The following XKR9 variants were observed in gnomAD, a reference collection of about 807,000 sequenced individuals.
XKR9 encodes XK related 9, also known as XK-related protein 9.
Under a neutral mutation model 32.0 loss-of-function variants are expected in XKR9, and 32 were observed. The observed-to-expected ratio is 1.00, with a 90% CI of 0.76 to 1.34. XKR9 has a LOEUF of 1.34. Ranked by LOEUF, XKR9 falls within the 40% of genes most tolerant of loss-of-function variation. The probability of loss-of-function intolerance (pLI) is 0.00; values close to 1 mark genes in which losing one functional copy is unlikely to be tolerated. For missense variants in XKR9, 546 were observed against 429.7 expected (o/e 1.27, Z -2.39); for synonymous variants, 168 against 143.4 (o/e 1.17, Z -1.22).
At chr8:70,953,328 T>C in the XKR9 span, among the ~76,000 whole-genome samples, 1 of 152,222 alleles carries the variant, frequency 6.6e-6, no homozygotes, top group African/African-American at 2.4e-5. Context: ...GTTACTATTA[T>C]TGAGACAGGG....
the XKR9 span, among the ~76,000 whole-genome samples, chr8:71,007,874 C>T: frequency 1.3e-5 from 2 of 151,324 alleles, no homozygotes; most frequent in African/African-American, 4.9e-5. Flanking sequence ...TTTTCATGTG[C>T]CCCTGAAAAA....
In XKR9 at chr8:70,734,321, A is replaced by T. The variant is rs932900183; in HGVS notation, c.1019A>T (p.Tyr340Phe). The change falls in exon 5 of 5, where the codon TAT becomes TTT. Residue 340 changes from tyrosine to phenylalanine, a missense_variant. Transcript: ENST00000408926. ...LLGILFLIVYYGSFHPNRSAE... is the reference protein window; with the variant it reads ...LLGILFLIVYFGSFHPNRSAE... ...GGAATTCTTTTTCTTATTGTTTATT[A>T]TGGGAGTTTTCACCCAAACAGAAGT... is the stretch of plus-strand genomic sequence containing the variant. The T allele has an allele frequency of 5.0e-6, 8 of 1,612,426 alleles. No homozygotes were observed. In the African/African-American group the frequency reaches 9.3e-5, roughly 19 times the overall value.
At chr8:70,961,602 A>G in the XKR9 span, among the ~76,000 whole-genome samples, 1 of 152,248 alleles carries the variant, frequency 6.6e-6, no homozygotes, top group Non-Finnish European at 1.5e-5. Flanking sequence ...ATTAAAAAAT[A>G]TCTATATACA....
chr8:70,714,449 CTGAT>C (rs76720204), intron 4 of XKR9, among the ~76,000 whole-genome samples: 11,027 of 151,818 alleles, frequency 0.073, 475 homozygotes, highest in Non-Finnish European at 0.089. Flanking sequence ...TTTGTACTCT[CTGAT>C]TGGCTCTAGA....
chr8:70,849,201 C>A, the XKR9 span, among the ~76,000 whole-genome samples: 4 of 152,092 alleles, frequency 2.6e-5, no homozygotes, highest in Non-Finnish European at 5.9e-5. Context: ...GGAAGTAAAA[C>A]ACTCCTCAGC....
At chr8:71,051,597 T>G in the XKR9 span, among the ~76,000 whole-genome samples, 1 of 152,108 alleles carries the variant, frequency 6.6e-6, no homozygotes, top group East Asian at 1.9e-4. Context: ...GCCCATATGG[T>G]TTATTGTTTC....
chr8:70,812,980 G>A, the XKR9 span, among the ~76,000 whole-genome samples: 123 of 152,168 alleles, frequency 8.1e-4, 1 homozygote, highest in South Asian at 2.9e-3. Flanking sequence ...AGCCTGCATT[G>A]CCAAGTCAAT....
At chr8:70,874,848 G>A in the XKR9 span, among the ~76,000 whole-genome samples, 1 of 152,134 alleles carries the variant, frequency 6.6e-6, no homozygotes, top group Non-Finnish European at 1.5e-5. Flanking sequence ...TCAGGTTTAT[G>A]TCCTGTTTTC....
intron 3 of XKR9, among the ~76,000 whole-genome samples, chr8:70,692,092 TG>T (rs1291982367): frequency 1.3e-5 from 2 of 152,168 alleles, no homozygotes; most frequent in Admixed American, 6.6e-5. Flanking sequence ...CTTTGAGCAG[TG>T]TTTTGTCATT....
At chr8:70,861,919 A>G in the XKR9 span, among the ~76,000 whole-genome samples, 6 of 152,192 alleles carry the variant, frequency 3.9e-5, no homozygotes, top group Non-Finnish European at 1.5e-5. Context: ...TTATATGTGT[A>G]CATATATATA....
chr8:70,875,368 C>T, the XKR9 span, among the ~76,000 whole-genome samples: 1 of 152,206 alleles, frequency 6.6e-6, no homozygotes, highest in Non-Finnish European at 1.5e-5. Context: ...TGTATTCTTA[C>T]ATCATCAAAA....
At chr8:70,994,637 G>A in the XKR9 span, among the ~76,000 whole-genome samples, 1 of 151,700 alleles carries the variant, frequency 6.6e-6, no homozygotes, top group East Asian at 1.9e-4. Context: ...ATTAATTTGG[G>A]GAGGTTCTTG....
At chr8:71,001,898 A>T in the XKR9 span, among the ~76,000 whole-genome samples, 1 of 152,202 alleles carries the variant, frequency 6.6e-6, no homozygotes, top group East Asian at 1.9e-4. Context: ...TGTGGTTCCA[A>T]ATATTCCAAA....
chr8:71,064,186 A>G, the XKR9 span, among the ~76,000 whole-genome samples: 1 of 152,172 alleles, frequency 6.6e-6, no homozygotes, highest in Non-Finnish European at 1.5e-5. Context: ...TTGAGATTTA[A>G]TGTGTATTTG....
At chr8:70,895,473 T>C in the XKR9 span, among the ~76,000 whole-genome samples, 1 of 152,204 alleles carries the variant, frequency 6.6e-6, no homozygotes, top group Non-Finnish European at 1.5e-5. Context: ...TTGCCCTAAA[T>C]ATTTATACAA....
At chr8:70,870,994 G>T in the XKR9 span, among the ~76,000 whole-genome samples, 1 of 152,144 alleles carries the variant, frequency 6.6e-6, no homozygotes. Flanking sequence ...GGGACTATTT[G>T]TAAATGTGTT....
chr8:70,830,391 G>A, the XKR9 span, among the ~76,000 whole-genome samples: 25 of 150,690 alleles, frequency 1.7e-4, no homozygotes, highest in East Asian at 4.9e-3. Flanking sequence ...GACCTGCCTG[G>A]TCAGCATGGC....
intron 2 of XKR9, among the ~76,000 whole-genome samples, chr8:70,749,639 G>A (rs918133031): frequency 6.6e-6 from 1 of 152,212 alleles, no homozygotes; most frequent in African/African-American, 2.4e-5. Flanking sequence ...ACCACTCTGT[G>A]CCTGGCTCAC....
the XKR9 span, among the ~76,000 whole-genome samples, chr8:70,882,379 C>CT: frequency 0.084 from 12,688 of 151,710 alleles, 602 homozygotes; most frequent in African/African-American, 0.097. Flanking sequence ...GAAATTTCCT[C>CT]TTTTCCCCTC....
Sources: allele counts gnomAD v4.1 joint callset (sites outside exome capture counted in the v4.1 genomes callset), GRCh38; gene constraint gnomAD v4.1.1; transcripts MANE v1.5; gene names NCBI Gene and HGNC (gene_info 2026-07-23, HGNC 2026-07-21).